The following LRP2 variants were observed in gnomAD, a reference collection of about 807,000 sequenced individuals.
The protein encoded by LRP2 is LDL receptor related protein 2.
LRP2 carries 172 observed loss-of-function variants against 531.0 expected under a neutral mutation model. The ratio of observed to expected loss-of-function variants is 0.32; its 90% CI spans 0.29 to 0.37. The LOEUF is 0.37. Ranked by LOEUF, LRP2 falls within the 10% of genes least tolerant of loss-of-function variation. LRP2 has a pLI of 1.00. For synonymous variants in LRP2, 1,992 were observed against 2,027.6 expected (o/e 0.98, Z 0.47); for missense variants, 5,167 against 5,868.3 (o/e 0.88, Z 3.90).
In LRP2 at chr2:169,294,674, C is replaced by T. The variant is rs368943502; in HGVS notation, c.464G>A (p.Gly155Glu). Residue 155 changes from glycine to glutamate, a missense_variant, in exon 5 of 79, where the codon GGG (glycine) becomes GAG (glutamate). Physicochemically the swap from Gly to Glu is moderately conservative, Grantham distance 98. Coordinates refer to ENST00000649046, the MANE Select transcript of LRP2 (RefSeq NM_004525.3). ...CTTCTGACTGGTGTTATAGCAGGCC[C>T]CATTGTCACAAGTAAGCTGCTCACA... ...PTCEQLTCDN[G>E]ACYNTSQKCD... 4 of 1,610,168 alleles carry T rather than the reference C, an allele frequency of 2.5e-6. No homozygotes were observed. The highest frequency in any genetic ancestry group is 3.4e-6 in the Non-Finnish European group (4 of 1,178,546).
intron 24 of LRP2, among the ~76,000 whole-genome samples, chr2:169,242,064 G>C (rs551411044): frequency 1.3e-5 from 2 of 152,328 alleles, no homozygotes; most frequent in African/African-American, 4.8e-5. Flanking sequence ...GAAAATTAGT[G>C]ATTAGTAATT....
In LRP2 at chr2:169,207,140, G is replaced by A; in HGVS notation, c.6580C>T (p.His2194Tyr). The A allele has an allele frequency of 6.2e-7, 1 of 1,613,028 alleles. No individual in the cohort carries two copies. Among genetic ancestry groups the A allele is most frequent in the Non-Finnish European group, 8.5e-7 (1 of 1,179,530 alleles). ...CTGTTCTTGGGATCTACAACAATAT[G>A]CCTAGGCATGTCCACTGTGACTTTA... is the stretch of plus-strand genomic sequence containing the variant. ...LLKVTVDMPR[H>Y]IVVDPKNRYL... Residue 2194 changes from histidine (H) to tyrosine (Y), a missense_variant, in exon 39 of 79, where the codon CAT becomes TAT. Around this residue, in one of 6 missense-constraint regions of LRP2, gnomAD observed 2,811 missense variants for 3,058.0 expected, o/e 0.92. Coordinates refer to ENST00000649046, the MANE Select transcript of LRP2 (RefSeq NM_004525.3).
rs72365288 is a variant in LRP2, at chr2:169,345,754, C to CA, written c.79+16566dup. On this transcript the variant is annotated intron_variant, in intron 1 of 78. Transcript: ENST00000649046. ...CCTCAAAAGGAAAAGAGGGGGCGGT[C>CA]AAAAAAAAAAAAAAAAACGAGCACT... Among the ~76,000 whole-genome samples the CA allele has an allele frequency of 4.5e-3, 501 of 111,400 alleles. 3 individuals carry two copies. Among genetic ancestry groups the CA allele is most frequent in the Admixed American group, 0.019 (196 of 10,094 alleles). 73.1% of individuals were successfully genotyped at this position (111,400 alleles called of 152,430 possible).
At chr2:169,161,663 G>A (rs965418458) in intron 63 of LRP2, among the ~76,000 whole-genome samples, 3 of 152,072 alleles carry the variant, frequency 2.0e-5, no homozygotes, top group Admixed American at 6.6e-5. Context: ...TTGTTAAGAC[G>A]GAGTTTCGCC....
intron 31 of LRP2, among the ~76,000 whole-genome samples, chr2:169,229,138 C>A (rs912032898): frequency 6.6e-6 from 1 of 152,102 alleles, no homozygotes; most frequent in Non-Finnish European, 1.5e-5. Context: ...ACAATTATGA[C>A]AATGGCATGA....
intron 60 of LRP2, 41 bp downstream of exon 60, chr2:169,169,661 C>T (rs1374101556): frequency 4.8e-6 from 7 of 1,459,382 alleles, no homozygotes; most frequent in African/African-American, 4.2e-5. Context: ...CATATCCATG[C>T]TCTCAGGTAA....
chr2:169,226,951 T>C (rs1415766562), intron 31 of LRP2, among the ~76,000 whole-genome samples: 1 of 151,510 alleles, frequency 6.6e-6, no homozygotes, highest in Admixed American at 6.6e-5. Context: ...CACACTGATC[T>C]CAGGGAAAGG....
At chr2:169,304,886 A>T (rs1218112060) in intron 4 of LRP2, among the ~76,000 whole-genome samples, 1 of 152,140 alleles carries the variant, frequency 6.6e-6, no homozygotes, top group Non-Finnish European at 1.5e-5. Context: ...ACGCAGCCCT[A>T]AAAAGGAACA....
At chr2:169,133,481 G>A (rs1481535857) in intron 76 of LRP2, among the ~76,000 whole-genome samples, 1 of 152,136 alleles carries the variant, frequency 6.6e-6, no homozygotes. Flanking sequence ...CAGAGGATCA[G>A]GGAAAATGCT....
intron 52 of LRP2, among the ~76,000 whole-genome samples, chr2:169,178,984 G>A (rs993177295): frequency 6.8e-6 from 1 of 146,006 alleles, no homozygotes; most frequent in Non-Finnish European, 1.5e-5. Context: ...GTCACCATCT[G>A]ATTTATTTAT....
intron 3 of LRP2, among the ~76,000 whole-genome samples, chr2:169,308,119 T>G (rs1340260307): frequency 1.3e-5 from 2 of 152,096 alleles, no homozygotes. Context: ...TACAAAGAGC[T>G]TTGGGGGAAA....
chr2:169,239,395 GA>G (rs1415444297), intron 26 of LRP2, 131 bp downstream of exon 26: 12 of 1,496,510 alleles, frequency 8.0e-6, no homozygotes, highest in African/African-American at 2.8e-5. Context: ...GAGGTTTAAA[GA>G]GATTGCATAA....
intron 1 of LRP2, among the ~76,000 whole-genome samples, chr2:169,332,890 A>T (rs1301113403): frequency 6.6e-6 from 1 of 152,130 alleles, no homozygotes; most frequent in African/African-American, 2.4e-5. Context: ...ACAAACACTA[A>T]ACTTTATTCA....
chr2:169,142,575 T>C, intron 71 of LRP2, 99 bp downstream of exon 71: 1 of 1,561,096 alleles, frequency 6.4e-7, no homozygotes, highest in Non-Finnish European at 8.8e-7. Context: ...CCATCCCCAC[T>C]CTGCTGCAAA....
At chr2:169,185,018 C>T (rs1687584039) in intron 50 of LRP2, among the ~76,000 whole-genome samples, 1 of 152,274 alleles carries the variant, frequency 6.6e-6, no homozygotes, top group Non-Finnish European at 1.5e-5. Context: ...ACCTCAGCCT[C>T]CCAAAGTTCT....
chr2:169,348,780 A>T (rs1335391560), intron 1 of LRP2, among the ~76,000 whole-genome samples: 1 of 152,182 alleles, frequency 6.6e-6, no homozygotes, highest in Non-Finnish European at 1.5e-5. Flanking sequence ...ACTCAAATGC[A>T]TTGGGAATCA....
At chr2:169,314,161 T>C (rs954908786) in intron 3 of LRP2, among the ~76,000 whole-genome samples, 7 of 152,044 alleles carry the variant, frequency 4.6e-5, no homozygotes, top group Admixed American at 1.3e-4. Context: ...CTATGGGAGA[T>C]TGAGGCAAGA....
chr2:169,156,173 A>G, intron 65 of LRP2, 101 bp downstream of exon 65: 1 of 1,528,866 alleles, frequency 6.5e-7, no homozygotes, highest in Non-Finnish European at 8.9e-7. Flanking sequence ...AAAGAAAGAA[A>G]AGAAAAACTA....
Position 169,176,393 on chromosome 2 carries a change from G to A in LRP2, c.10571+18C>T, listed in dbSNP as rs751027673. On this transcript the variant is annotated intron_variant, in intron 54 of 78. Transcript: ENST00000649046. ...ACGGGCTAGAGAGGCACTGAGGAGAGGGGAAAGAGAGCCTTACTTTTCATT... is the reference window on the plus strand; with the variant it reads ...ACGGGCTAGAGAGGCACTGAGGAGAAGGGAAAGAGAGCCTTACTTTTCATT... 1 of 1,614,042 alleles carries A rather than the reference G, an allele frequency of 6.2e-7. No homozygotes were observed. Among genetic ancestry groups the A allele is most frequent in the South Asian group, 1.1e-5 (1 of 91,048 alleles).
Sources: allele counts gnomAD v4.1 joint callset (sites outside exome capture counted in the v4.1 genomes callset), GRCh38; gene constraint gnomAD v4.1.1; regional missense constraint gnomAD v4.1.1; transcripts MANE v1.5; gene names NCBI Gene and HGNC (gene_info 2026-07-23, HGNC 2026-07-21).